AGBL4: variants seen among roughly 807,000 people sequenced by gnomAD.
The protein encoded by AGBL4 is AGBL carboxypeptidase 4.
AGBL4 carries 58 observed loss-of-function variants against 66.4 expected under a neutral mutation model. That is an observed-to-expected ratio of 0.87 (90% CI 0.71 to 1.09). AGBL4 has a LOEUF of 1.09. AGBL4 is among the 50% of genes least tolerant of loss of function. The pLI is 0.00. For synonymous variants in AGBL4, 234 were observed against 222.9 expected, an observed-to-expected ratio of 1.05 and a Z score of -0.44; for missense variants, 579 against 631.0, an observed-to-expected ratio of 0.92 and a Z score of 0.88.
chr1:49,634,857 T>C (rs1001398190), intron 3 of AGBL4, among the ~76,000 whole-genome samples: 4 of 152,174 alleles, frequency 2.6e-5, no homozygotes, highest in Non-Finnish European at 5.9e-5. Context: ...CCAATGTTCC[T>C]ACTGCGAAAA....
At chr1:49,402,436 T>C (rs1221901784) in intron 3 of AGBL4, among the ~76,000 whole-genome samples, 1 of 152,232 alleles carries the variant, frequency 6.6e-6, no homozygotes, top group African/African-American at 2.4e-5. Flanking sequence ...CATTGTCCAG[T>C]GCTCATTCAG....
At chr1:49,524,553 C>A (rs978350203) in intron 3 of AGBL4, among the ~76,000 whole-genome samples, 1 of 152,066 alleles carries the variant, frequency 6.6e-6, no homozygotes, top group East Asian at 1.9e-4. Context: ...CTGGACTGAC[C>A]AGTGCCATAC....
intron 2 of AGBL4, among the ~76,000 whole-genome samples, chr1:49,708,140 A>G (rs550621623): frequency 1.3e-5 from 2 of 152,242 alleles, no homozygotes; most frequent in South Asian, 4.1e-4. Context: ...AATATCCTGA[A>G]GAGTGTTTTC....
chr1:48,639,891 G>T (rs917161385), intron 8 of AGBL4, among the ~76,000 whole-genome samples: 6 of 152,182 alleles, frequency 3.9e-5, no homozygotes, highest in African/African-American at 7.2e-5. Context: ...GCTGGTACAG[G>T]CTCTTTCTCT....
At chr1:49,422,091 T>C (rs1399086122) in intron 3 of AGBL4, among the ~76,000 whole-genome samples, 2 of 152,204 alleles carry the variant, frequency 1.3e-5, no homozygotes, top group Admixed American at 6.5e-5. Flanking sequence ...AATTCATAGA[T>C]AGTTACAAAA....
chr1:48,837,711 C>CACTATATATATATATATATA (rs1471719980), intron 6 of AGBL4, among the ~76,000 whole-genome samples: 1 of 82,298 alleles, frequency 1.2e-5, no homozygotes, highest in African/African-American at 4.5e-5. Flanking sequence ...CACACACACA[C>CACTATATATATATATATATA]TATATATATA....
chr1:49,232,085 G>T (rs1650354970), intron 4 of AGBL4, among the ~76,000 whole-genome samples: 1 of 152,014 alleles, frequency 6.6e-6, no homozygotes, highest in East Asian at 1.9e-4. Flanking sequence ...TGGGTAAGTG[G>T]GAGTAGCTAC....
At chr1:49,845,580 C>A in intron 2 of AGBL4, 4 of 1,604,210 alleles carry the variant, frequency 2.5e-6, no homozygotes, top group Non-Finnish European at 3.4e-6. Context: ...AGAAGCCCTA[C>A]GAGTGCCATG....
intron 5 of AGBL4, among the ~76,000 whole-genome samples, chr1:48,909,675 T>G (rs1185698108): frequency 1.3e-5 from 2 of 152,114 alleles, no homozygotes; most frequent in African/African-American, 2.4e-5. Flanking sequence ...AAAAAAACAG[T>G]GAGCACATGA....
chr1:49,286,042 G>A (rs1408124129), intron 3 of AGBL4, among the ~76,000 whole-genome samples: 1 of 152,218 alleles, frequency 6.6e-6, no homozygotes, highest in Non-Finnish European at 1.5e-5. Context: ...TCCCTGCGAT[G>A]CAAGGCTGGT....
intron 3 of AGBL4, among the ~76,000 whole-genome samples, chr1:49,369,873 C>T (rs1644306988): frequency 6.6e-6 from 1 of 151,636 alleles, no homozygotes; most frequent in Non-Finnish European, 1.5e-5. Context: ...AGATAAAGCT[C>T]ACGAAAATGA....
chr1:48,907,148 G>A (rs996019520), intron 5 of AGBL4, among the ~76,000 whole-genome samples: 1 of 152,198 alleles, frequency 6.6e-6, no homozygotes. Flanking sequence ...CATTTTGCGA[G>A]CTTTAAAGCA....
intron 2 of AGBL4, among the ~76,000 whole-genome samples, chr1:49,738,268 C>G (rs1197892208): frequency 6.6e-6 from 1 of 152,228 alleles, no homozygotes; most frequent in African/African-American, 2.4e-5. Context: ...TATCCCGTGC[C>G]TGGATCGGGG....
intron 6 of AGBL4, among the ~76,000 whole-genome samples, chr1:48,667,234 G>T (rs1388598579): frequency 2.0e-5 from 3 of 152,298 alleles, no homozygotes; most frequent in Admixed American, 2.0e-4. Context: ...TAGAAGTGAT[G>T]GTGTGCCACT....
rs982743385 is a variant in AGBL4, at chr1:49,867,542, A to G, written c.35-16024T>C. ...GTGTAATGTTCCCCTTCCTGTGTCCAAGTGTTCTTATTGTTCAATTCCCAC... is the reference window on the plus strand; with the variant it reads ...GTGTAATGTTCCCCTTCCTGTGTCCGAGTGTTCTTATTGTTCAATTCCCAC... On this transcript the variant is annotated intron_variant, in intron 1 of 13. Coordinates refer to ENST00000371839, the MANE Select transcript of AGBL4 (RefSeq NM_032785.4). Among the ~76,000 whole-genome samples the G allele has an allele frequency of 2.4e-5, 3 of 126,002 alleles. No homozygotes were observed. In the Admixed American group the frequency reaches 3.2e-4, roughly 13 times the overall value. The allele number at this position is 126,002 out of a possible 152,430, so 82.7% of individuals were successfully genotyped here. A position where few individuals can be genotyped will look rare whatever the true frequency, so the allele number is the denominator to read the frequency against.
At chr1:48,691,488 C>T (rs1646631494) in intron 6 of AGBL4, among the ~76,000 whole-genome samples, 1 of 152,042 alleles carries the variant, frequency 6.6e-6, no homozygotes, top group Non-Finnish European at 1.5e-5. Context: ...GAGGCAGAAA[C>T]CACGACAGAT....
chr1:49,227,717 C>A (rs960188958), intron 4 of AGBL4, among the ~76,000 whole-genome samples: 1 of 152,158 alleles, frequency 6.6e-6, no homozygotes, highest in Non-Finnish European at 1.5e-5. Context: ...AATTTTAATA[C>A]AATATCAATA....
intron 5 of AGBL4, among the ~76,000 whole-genome samples, chr1:48,961,953 C>CCGGG (rs1238885726): frequency 7.3e-4 from 111 of 152,306 alleles, no homozygotes; most frequent in African/African-American, 2.6e-3. Context: ...ATACCAATCC[C>CCGGG]TGGGTATGGA....
At chr1:49,500,901 T>C (rs1648091676) in intron 3 of AGBL4, among the ~76,000 whole-genome samples, 1 of 152,036 alleles carries the variant, frequency 6.6e-6, no homozygotes, top group Non-Finnish European at 1.5e-5. Context: ...TTCAGTTATC[T>C]AGTTCTGTAA....
Sources: allele counts gnomAD v4.1 joint callset (sites outside exome capture counted in the v4.1 genomes callset), GRCh38; gene constraint gnomAD v4.1.1; transcripts MANE v1.5; gene names NCBI Gene and HGNC (gene_info 2026-07-23, HGNC 2026-07-21).